The following MACROD2 variants were observed in gnomAD, a reference collection of about 807,000 sequenced individuals.
MACROD2 encodes the protein ADP-ribose glycohydrolase MACROD2.
In MACROD2, 36 loss-of-function variants were observed where a neutral mutation model predicts 70.4. The observed-to-expected ratio is 0.51, with a 90% CI of 0.39 to 0.68. MACROD2 has a LOEUF of 0.68. Ranked by LOEUF, MACROD2 falls within the 30% of genes least tolerant of loss-of-function variation. The pLI, the probability that MACROD2 is intolerant of heterozygous loss-of-function variation, is 0.00. For synonymous variants in MACROD2, 172 were observed against 178.8 expected (o/e 0.96, Z 0.30); for missense variants, 496 against 538.4 (o/e 0.92, Z 0.78).
intron 7 of MACROD2, among the ~76,000 whole-genome samples, chr20:15,478,860 A>G (rs1279385820): frequency 1.1e-4 from 17 of 152,196 alleles, no homozygotes; most frequent in Admixed American, 1.1e-3. Flanking sequence ...GGTGGCTGTC[A>G]ATCACAAATG....
chr20:14,790,966 A>G (rs896074395), intron 5 of MACROD2, among the ~76,000 whole-genome samples: 3 of 152,080 alleles, frequency 2.0e-5, no homozygotes, highest in African/African-American at 7.2e-5. Flanking sequence ...GAGGCAGAAC[A>G]TCGACAGCTA....
In MACROD2 at chr20:14,897,898, C is replaced by T. The variant is rs183221558; in HGVS notation, c.418+212939C>T. 2.0e-4 allele frequency among the ~76,000 whole-genome samples: 31 copies of T among 152,198 alleles called. 1 individual carries two copies. The East Asian group carries it at 6.0e-3, about 29-fold the overall frequency. On this transcript the variant is annotated intron_variant, in intron 5 of 17. Transcript: ENST00000684519. ...CATGCCCAAAGTGGCCAACACCTCT[C>T]TTAAGCTTCTTTTTAAAGGCACTAA...
intron 7 of MACROD2, among the ~76,000 whole-genome samples, chr20:15,479,719 G>A (rs1429205241): frequency 6.6e-6 from 1 of 152,110 alleles, no homozygotes; most frequent in Non-Finnish European, 1.5e-5. Context: ...ACATATTTAC[G>A]ATAAAGGCTG....
chr20:14,791,277 A>G (rs2072447950), intron 5 of MACROD2, among the ~76,000 whole-genome samples: 1 of 152,150 alleles, frequency 6.6e-6, no homozygotes. Context: ...GCAAGACTGA[A>G]GAAATGTATC....
intron 8 of MACROD2, among the ~76,000 whole-genome samples, chr20:15,655,814 A>G (rs1023314812): frequency 2.6e-5 from 4 of 152,178 alleles, no homozygotes; most frequent in Non-Finnish European, 5.9e-5. Flanking sequence ...GGGGTCTGGA[A>G]GGCTTGCTCC....
At chr20:15,606,957 G>A (rs1188662443) in intron 8 of MACROD2, among the ~76,000 whole-genome samples, 3 of 147,442 alleles carry the variant, frequency 2.0e-5, no homozygotes, top group African/African-American at 7.6e-5. Context: ...AGCCAAGATC[G>A]CACCATTGCA....
intron 10 of MACROD2, among the ~76,000 whole-genome samples, chr20:15,897,153 A>G (rs890791261): frequency 2.6e-5 from 4 of 152,212 alleles, no homozygotes; most frequent in African/African-American, 9.6e-5. Flanking sequence ...TATTTGTCTG[A>G]AAATGGTATT....
At chr20:14,510,248 T>TC (rs2085014046) in intron 4 of MACROD2, among the ~76,000 whole-genome samples, 1 of 152,082 alleles carries the variant, frequency 6.6e-6, no homozygotes. Flanking sequence ...TCCTTAGCTC[T>TC]AAGCCTAATG....
chr20:14,072,432 CTTA>C (rs2053858153), intron 2 of MACROD2, among the ~76,000 whole-genome samples: 1 of 119,456 alleles, frequency 8.4e-6, no homozygotes, highest in African/African-American at 3.2e-5. Context: ...TCCCAGCCTT[CTTA>C]CCTGCGGAGC....
intron 6 of MACROD2, among the ~76,000 whole-genome samples, chr20:15,342,313 G>A (rs2078118874): frequency 6.6e-6 from 1 of 152,142 alleles, no homozygotes; most frequent in Non-Finnish European, 1.5e-5. Context: ...TTAATTTAGG[G>A]CTATATGGGT....
chr20:15,960,876 C>T (rs2066050528), intron 12 of MACROD2, among the ~76,000 whole-genome samples: 1 of 152,164 alleles, frequency 6.6e-6, no homozygotes, highest in South Asian at 2.1e-4. Flanking sequence ...GCTTAGCTTG[C>T]ATGGGCTGTT....
chr20:14,589,319 T>A (rs1981604274), intron 4 of MACROD2, among the ~76,000 whole-genome samples: 1 of 152,182 alleles, frequency 6.6e-6, no homozygotes, highest in Non-Finnish European at 1.5e-5. Context: ...TTTCTATCTG[T>A]TATTGCTTTA....
chr20:15,352,971 A>G (rs2078244791), intron 6 of MACROD2, among the ~76,000 whole-genome samples: 1 of 151,882 alleles, frequency 6.6e-6, no homozygotes, highest in African/African-American at 2.4e-5. Context: ...CAAGCTACCA[A>G]TGACTTTCTT....
chr20:15,617,195 C>T (rs1255770528), intron 8 of MACROD2, among the ~76,000 whole-genome samples: 8 of 151,988 alleles, frequency 5.3e-5, no homozygotes, highest in African/African-American at 1.9e-4. Flanking sequence ...TTGTTTCCTA[C>T]GAATATATGC....
intron 15 of MACROD2, among the ~76,000 whole-genome samples, chr20:16,019,180 C>G (rs538476408): frequency 2.0e-5 from 3 of 152,126 alleles, no homozygotes; most frequent in African/African-American, 7.2e-5. Context: ...TCCAGGGGTA[C>G]AAAGAGAACC....
intron 4 of MACROD2, among the ~76,000 whole-genome samples, chr20:14,515,454 TACAC>T (rs771413463): frequency 8.7e-6 from 1 of 115,360 alleles, no homozygotes; most frequent in Non-Finnish European, 1.8e-5. Context: ...ATATGTGAGA[TACAC>T]ACACACGCAC....
At chr20:14,832,066 G>A in intron 5 of MACROD2, among the ~76,000 whole-genome samples, 1 of 133,876 alleles carries the variant, frequency 7.5e-6, no homozygotes, top group Non-Finnish European at 1.6e-5. Context: ...TTTTTGAGAG[G>A]GAGTCTCGCT....
At chr20:15,094,135 CTT>C (rs746817183) in intron 5 of MACROD2, among the ~76,000 whole-genome samples, 1 of 152,182 alleles carries the variant, frequency 6.6e-6, no homozygotes, top group Non-Finnish European at 1.5e-5. Context: ...TTCCTTTAGA[CTT>C]TAACTTTCAG....
chr20:15,451,930 G>C (rs2046649047), intron 7 of MACROD2, among the ~76,000 whole-genome samples: 1 of 152,142 alleles, frequency 6.6e-6, no homozygotes, highest in African/African-American at 2.4e-5. Context: ...GCGCTAGATA[G>C]TGGCATAGTG....
Sources: allele counts gnomAD v4.1 joint callset (sites outside exome capture counted in the v4.1 genomes callset), GRCh38; gene constraint gnomAD v4.1.1; transcripts MANE v1.5; gene names NCBI Gene and HGNC (gene_info 2026-07-23, HGNC 2026-07-21).